The following KCNT1 variants were observed in gnomAD, a reference collection of about 807,000 sequenced individuals.
The protein encoded by KCNT1 is potassium channel subfamily T member 1.
In KCNT1, 78 loss-of-function variants were observed where a neutral mutation model predicts 147.8. That is an observed-to-expected ratio of 0.53 (90% CI 0.44 to 0.64). The LOEUF (loss-of-function observed/expected upper bound fraction) is 0.64, where lower values mean the gene tolerates loss of function less well. KCNT1 is among the 30% of genes least tolerant of loss of function. The probability of loss-of-function intolerance (pLI) is 0.00; values close to 1 mark genes in which losing one functional copy is unlikely to be tolerated. For synonymous variants in KCNT1, 867 were observed against 748.8 expected, an observed-to-expected ratio of 1.16 and a Z score of -2.58; for missense variants, 1,419 against 1,750.3, an observed-to-expected ratio of 0.81 and a Z score of 3.38.
intron 2 of KCNT1, among the ~76,000 whole-genome samples, chr9:135,731,991 T>TAGAGAGAGAGAGAGAGAG (rs1189149987): frequency 7.8e-4 from 17 of 21,724 alleles, no homozygotes; most frequent in South Asian, 2.2e-3. Flanking sequence ...TATATATATA[T>TAGAGAGAGAGAGAGAGAG]AGAGAGAGAG....
chr9:135,718,327 G>T (rs1322010545), intron 2 of KCNT1, among the ~76,000 whole-genome samples: 1 of 152,212 alleles, frequency 6.6e-6, no homozygotes. Flanking sequence ...TGCAGGCGGG[G>T]TCTGGAGGCC....
Position 135,702,271 on chromosome 9 carries a change from G to C in KCNT1, c.13G>C (p.Asp5His). 1.2e-6 allele frequency: 2 copies of C among 1,608,648 alleles called. No individual in the cohort carries two copies. Among genetic ancestry groups the C allele is most frequent in the Non-Finnish European group, 1.7e-6 (2 of 1,177,632 alleles). Residue 5 changes from aspartate to histidine, a missense_variant, in exon 1 of 31, where the codon GAC (aspartate) becomes CAC (histidine). By Grantham distance (81) the Asp-to-His change is moderately conservative. Around this residue, in one of 5 missense-constraint regions of KCNT1, gnomAD observed 181 missense variants for 155.7 expected, o/e 1.16. Coordinates refer to ENST00000371757, the MANE Select transcript of KCNT1 (RefSeq NM_020822.3). MPLP[D>H]GARTPGGVCR... ...GCTGCCAGGCCGCATGCCACTCCCT[G>C]ACGGGGCGCGGACCCCGGGGGGCGT...
Position 135,771,187 on chromosome 9 carries a change from G to A in KCNT1, c.2008+92G>A. On this transcript the variant is annotated intron_variant, in intron 18 of 30. Transcript: ENST00000371757. ...CGGCAGGTGACCAGGTGGGATGGGA[G>A]ACCAGGCAGGACAGGGGGAGGTGAC... is the stretch of plus-strand genomic sequence containing the variant. 4 of 1,174,628 alleles carry A rather than the reference G, an allele frequency of 3.4e-6. No homozygotes were observed. In the South Asian group the frequency reaches 4.4e-5, roughly 13 times the overall value. The allele number at this position is 1,174,628 out of a possible 1,614,324, so 72.8% of individuals were successfully genotyped here.
In KCNT1 at chr9:135,775,303, G is replaced by C. The variant is rs2131534752; in HGVS notation, c.2244-7G>C. On this transcript the variant is annotated splice_polypyrimidine_tract_variant and splice_region_variant and intron_variant, in intron 19 of 30. Transcript: ENST00000371757. ...GCTGTGCTGAGGGCTCCTGTCTCCT[G>C]CCCCAGGTATGTGAAGGGCTACCCT... The C allele has an allele frequency of 6.2e-7, 1 of 1,601,330 alleles. No individual in the cohort carries two copies. Among genetic ancestry groups the C allele is most frequent in the Middle Eastern group, 1.7e-4 (1 of 6,014 alleles).
At chr9:135,736,836 C>T (rs1219109769) in intron 2 of KCNT1, 1 of 340,110 alleles carries the variant, frequency 2.9e-6, no homozygotes, top group Non-Finnish European at 5.3e-6. Context: ...GCGCTTGCAT[C>T]CTGCTCGGGC....
intron 17 of KCNT1, 64 bp from the exon 18 acceptor site, chr9:135,770,793 C>A (rs1211010914): frequency 1.4e-6 from 2 of 1,406,560 alleles, no homozygotes; most frequent in Non-Finnish European, 1.9e-6. Flanking sequence ...GCAGGAAGGG[C>A]AGGCAGGGAG....
chr9:135,732,750 ATCTCTCTCTC>A (rs71505362), intron 2 of KCNT1, among the ~76,000 whole-genome samples: 1 of 147,762 alleles, frequency 6.8e-6, no homozygotes, highest in South Asian at 2.2e-4. Context: ...AGTCCAACCT[ATCTCTCTCTC>A]TCTCTCTCTC....
chr9:135,746,940 G>T (rs1164576440), intron 2 of KCNT1, among the ~76,000 whole-genome samples: 1 of 152,126 alleles, frequency 6.6e-6, no homozygotes, highest in Non-Finnish European at 1.5e-5. Context: ...GCCTGAGGTT[G>T]GTGGGGGATG....
At chr9:135,771,551 C>T (rs565316385) in intron 18 of KCNT1, among the ~76,000 whole-genome samples, 39 of 152,334 alleles carry the variant, frequency 2.6e-4, no homozygotes, top group African/African-American at 8.7e-4. Flanking sequence ...CCCATCAGCC[C>T]GGAGGGTCTG....
chr9:135,775,482 C>T, intron 20 of KCNT1, 67 bp downstream of exon 20: 1 of 1,185,884 alleles, frequency 8.4e-7, no homozygotes, highest in East Asian at 2.5e-5. Context: ...CATACCTGCC[C>T]TGGTTTCTCT....
intron 11 of KCNT1, among the ~76,000 whole-genome samples, chr9:135,761,886 C>G (rs968483685): frequency 2.0e-5 from 3 of 152,206 alleles, no homozygotes; most frequent in African/African-American, 7.2e-5. Flanking sequence ...GCGTCCGGCT[C>G]CTCTCCCCAC....
At chr9:135,759,528 C>A in intron 10 of KCNT1, 151 bp from the exon 11 acceptor site, 1 of 726,706 alleles carries the variant, frequency 1.4e-6, no homozygotes, top group Non-Finnish European at 2.0e-6. Context: ...GGGCCTGATG[C>A]CACCCAGCTG....
At chr9:135,766,231 A>G (rs529526458) in intron 13 of KCNT1, among the ~76,000 whole-genome samples, 1 of 150,532 alleles carries the variant, frequency 6.6e-6, no homozygotes, top group Non-Finnish European at 1.5e-5. Context: ...TCTGGGATGG[A>G]CTGTTCAGGG....
chr9:135,770,394 C>T lies in KCNT1; in HGVS notation c.1716C>T (p.Phe572=). The change falls in exon 17 of 31, where the codon TTC becomes TTT. Residue 572 remains phenylalanine (F), a synonymous_variant. Coordinates refer to ENST00000371757, the MANE Select transcript of KCNT1 (RefSeq NM_020822.3). The stretch of plus-strand genomic sequence containing the variant: ...TCCGCATGGGTGACAGCAAGTTCTT[C>T]CGCGAGTACGAGGGCAAGAGCTTCA... ...YHIRMGDSKF[F]REYEGKSFTY... 6.2e-7 allele frequency: 1 copy of T among 1,613,280 alleles called. No homozygotes were observed. The highest frequency in any genetic ancestry group is 2.2e-5 in the East Asian group (1 of 44,878).
At chr9:135,720,413 G>C (rs537065949) in intron 2 of KCNT1, among the ~76,000 whole-genome samples, 1 of 152,200 alleles carries the variant, frequency 6.6e-6, no homozygotes, top group East Asian at 1.9e-4. Context: ...TTGAGACCTG[G>C]GTGACTCGGT....
intron 2 of KCNT1, among the ~76,000 whole-genome samples, chr9:135,721,840 T>C (rs1429355208): frequency 6.6e-6 from 1 of 152,206 alleles, no homozygotes; most frequent in Non-Finnish European, 1.5e-5. Context: ...CCTTGTCTCC[T>C]GGGCCCCCTA....
chr9:135,757,475 C>T (rs1156973638), intron 9 of KCNT1, 94 bp downstream of exon 9: 21 of 1,157,092 alleles, frequency 1.8e-5, no homozygotes, highest in Non-Finnish European at 2.5e-5. Context: ...CCTGCCACGC[C>T]CCGGCCCTGG....
intron 4 of KCNT1, chr9:135,753,649 C>A: frequency 1.9e-6 from 1 of 532,742 alleles, no homozygotes; most frequent in Non-Finnish European, 3.4e-6. Context: ...TTGGGGCTAC[C>A]CCCAATCCCG....
intron 2 of KCNT1, among the ~76,000 whole-genome samples, chr9:135,723,514 G>A (rs1263511358): frequency 2.6e-5 from 4 of 152,202 alleles, no homozygotes; most frequent in Non-Finnish European, 5.9e-5. Flanking sequence ...CCACGTGAGC[G>A]TGTGGCTCCC....
Sources: allele counts gnomAD v4.1 joint callset (sites outside exome capture counted in the v4.1 genomes callset), GRCh38; gene constraint gnomAD v4.1.1; regional missense constraint gnomAD v4.1.1; transcripts MANE v1.5; gene names NCBI Gene and HGNC (gene_info 2026-07-23, HGNC 2026-07-21).